CLDN16: variants seen among roughly 807,000 people sequenced by gnomAD.
The protein encoded by CLDN16 is claudin-16.
CLDN16 carries 13 observed loss-of-function variants against 24.6 expected under a neutral mutation model. The observed-to-expected ratio is 0.53, with a 90% CI of 0.34 to 0.84. The LOEUF (loss-of-function observed/expected upper bound fraction) is 0.84. CLDN16 is among the 40% of genes least tolerant of loss of function. The pLI is 0.01. For missense variants in CLDN16, 298 were observed against 292.7 expected (o/e 1.02, Z -0.13); for synonymous variants, 116 against 106.7 (o/e 1.09, Z -0.54).
chr3:190,361,738 G>A (rs907877656), intron 1 of CLDN16, among the ~76,000 whole-genome samples: 2 of 151,492 alleles, frequency 1.3e-5, no homozygotes, highest in African/African-American at 4.9e-5. Context: ...TTCTAACAAA[G>A]AGCAGCCTGA....
chr3:190,321,565 C>T (rs1241309201), upstream of CLDN16, among the ~76,000 whole-genome samples: 1 of 152,190 alleles, frequency 6.6e-6, no homozygotes. Context: ...TAAGCGTGCA[C>T]ACTTGAGAAG....
intron 3 of CLDN16, among the ~76,000 whole-genome samples, chr3:190,407,004 C>T (rs1430317722): frequency 2.0e-5 from 3 of 151,898 alleles, no homozygotes; most frequent in Admixed American, 6.6e-5. Flanking sequence ...CCCCCCAAAG[C>T]GCTGGGATTA....
At chr3:190,316,992 C>T in the CLDN16 span, among the ~76,000 whole-genome samples, 1 of 152,054 alleles carries the variant, frequency 6.6e-6, no homozygotes, top group Non-Finnish European at 1.5e-5. Context: ...AAGTATGTAT[C>T]TAATGAGCTT....
At chr3:190,375,988 C>T (rs992016618) in intron 3 of CLDN16, among the ~76,000 whole-genome samples, 8 of 151,868 alleles carry the variant, frequency 5.3e-5, no homozygotes, top group African/African-American at 1.7e-4. Flanking sequence ...GTAACCCCCT[C>T]CATTTTTGCC....
intron 3 of CLDN16, among the ~76,000 whole-genome samples, chr3:190,379,686 C>T (rs961351335): frequency 1.3e-5 from 2 of 152,066 alleles, no homozygotes; most frequent in Non-Finnish European, 2.9e-5. Context: ...ATCCCTGCTC[C>T]TAAGTTGTTT....
At position 190,405,457 on chromosome 3, in the gene CLDN16, GAAAA is replaced by G. The variant is rs554897563; in HGVS notation, c.382+538_382+541del. Among the ~76,000 whole-genome samples, 1,060 of 123,482 alleles carry G rather than the reference GAAAA, an allele frequency of 8.6e-3. 14 individuals carry two copies. Among genetic ancestry groups the G allele is most frequent in the African/African-American group, 0.03 (1,023 of 33,630 alleles). The allele number at this position is 123,482 out of a possible 152,430, so 81.0% of individuals were successfully genotyped here. On this transcript the variant is annotated intron_variant, in intron 3 of 4. Transcript: ENST00000264734. ...AAAAAAAAAAAAAAAAGGAAATAAA[GAAAA>G]AAAAAAGCTCTAAAACTATGTTTTG...
At chr3:190,334,225 T>C (rs996442601) in intron 1 of CLDN16, among the ~76,000 whole-genome samples, 12 of 152,240 alleles carry the variant, frequency 7.9e-5, no homozygotes, top group Non-Finnish European at 1.6e-4. Context: ...CGTGTGTGTT[T>C]AGCACAATGA....
At chr3:190,319,568 GA>G (rs3836454), upstream of CLDN16, among the ~76,000 whole-genome samples, 26 of 152,272 alleles carry the variant, frequency 1.7e-4, no homozygotes, top group East Asian at 4.4e-3. Flanking sequence ...ATAAAGCAGG[GA>G]AACAACAGAT....
chr3:190,396,375 T>A (rs555079901), intron 1 of CLDN16, among the ~76,000 whole-genome samples: 2 of 152,342 alleles, frequency 1.3e-5, no homozygotes, highest in South Asian at 4.1e-4. Context: ...GCTGTTTTTG[T>A]TTATTTAGTC....
chr3:190,329,247 G>A (rs1157631353), intron 1 of CLDN16, among the ~76,000 whole-genome samples: 1 of 152,100 alleles, frequency 6.6e-6, no homozygotes, highest in Admixed American at 6.5e-5. Context: ...AGAGAGATGA[G>A]TGCACCCACC....
chr3:190,353,824 C>G (rs1432571191), intron 1 of CLDN16, among the ~76,000 whole-genome samples: 1 of 152,028 alleles, frequency 6.6e-6, no homozygotes, highest in Non-Finnish European at 1.5e-5. Context: ...TTCATCTTAC[C>G]TTCAACTCAT....
chr3:190,401,980 A>C (rs1241809570), intron 1 of CLDN16, among the ~76,000 whole-genome samples: 1 of 151,940 alleles, frequency 6.6e-6, no homozygotes, highest in Non-Finnish European at 1.5e-5. Flanking sequence ...TTGGTGAGTA[A>C]ATGTCAGCAC....
chr3:190,408,916 T>C (rs1719183552), intron 4 of CLDN16, among the ~76,000 whole-genome samples: 1 of 149,168 alleles, frequency 6.7e-6, no homozygotes, highest in Non-Finnish European at 1.5e-5. Context: ...GTATACATAG[T>C]ACATATGTAT....
rs528344809 is a variant in CLDN16 at position 190,402,339 on chromosome 3, G to A, written c.117G>A (p.Val39=). The change falls in exon 2 of 5, where the codon GTG becomes GTA. Residue 39 remains valine, a splice_region_variant and synonymous_variant. Coordinates refer to ENST00000264734, the MANE Select transcript of CLDN16 (RefSeq NM_006580.4). ...WMVNADDSLE[V]STKCRGLWWE... is the part of the protein sequence containing the mutation. ...ACGGTGTCTTCTCTAACATCTAGGT[G>A]AGCACAAAATGCCGAGGCCTCTGGT... 15 of 1,613,016 alleles carry A rather than the reference G, an allele frequency of 9.3e-6. No individual in the cohort carries two copies. The East Asian group carries it at 3.3e-4, about 36-fold the overall frequency.
At chr3:190,394,130 G>T (rs1412708870) in intron 1 of CLDN16, among the ~76,000 whole-genome samples, 2 of 152,052 alleles carry the variant, frequency 1.3e-5, no homozygotes, top group African/African-American at 4.8e-5. Context: ...AATAGTGAAG[G>T]TTATTTATCA....
upstream of CLDN16, chr3:190,322,494 C>G: frequency 2.3e-6 from 1 of 428,882 alleles, no homozygotes; most frequent in South Asian, 2.5e-5. Flanking sequence ...CCCGCCTCAG[C>G]CCCGGCAGCC....
At chr3:190,336,634 C>G (rs1717312856) in intron 1 of CLDN16, among the ~76,000 whole-genome samples, 1 of 152,124 alleles carries the variant, frequency 6.6e-6, no homozygotes, top group African/African-American at 2.4e-5. Context: ...CCAACAGATC[C>G]TATAGTTGCA....
At chr3:190,394,080 C>T (rs1005355839) in intron 1 of CLDN16, among the ~76,000 whole-genome samples, 2 of 152,124 alleles carry the variant, frequency 1.3e-5, no homozygotes, top group South Asian at 2.1e-4. Flanking sequence ...CATCTATTTC[C>T]TTTTTGTCTG....
intron 3 of CLDN16, among the ~76,000 whole-genome samples, chr3:190,378,976 A>G (rs747213570): frequency 6.6e-6 from 1 of 152,006 alleles, no homozygotes; most frequent in Non-Finnish European, 1.5e-5. Flanking sequence ...ACTCCAATTG[A>G]ATATGATTAA....
Sources: gnomAD v4.1 joint callset for allele counts (sites outside exome capture counted in the v4.1 genomes callset) on GRCh38, gnomAD v4.1.1 for gene constraint, MANE v1.5 for transcripts, NCBI Gene and HGNC (gene_info 2026-07-23, HGNC 2026-07-21) for gene names.